Variants in ZNF804B observed in about 807,000 individuals in gnomAD.
ZNF804B encodes zinc finger 804B.
ZNF804B carries 80 observed loss-of-function variants against 101.4 expected under a neutral mutation model. The ratio of observed to expected loss-of-function variants is 0.79; its 90% confidence interval spans 0.66 to 0.95. The LOEUF is 0.95. Among genes scored for constraint, ZNF804B ranks in the 40% least tolerant of loss-of-function variants. The probability of loss-of-function intolerance (pLI) is 0.00; values close to 1 mark genes in which losing one functional copy is unlikely to be tolerated. For synonymous variants in ZNF804B, 622 were observed against 558.8 expected, an observed-to-expected ratio of 1.11 and a Z score of -1.59; for missense variants, 1,673 against 1,561.9, an observed-to-expected ratio of 1.07 and a Z score of -1.20.
At chr7:89,305,969 A>C (rs2115932565) in intron 2 of ZNF804B, among the ~76,000 whole-genome samples, 1 of 152,146 alleles carries the variant, frequency 6.6e-6, no homozygotes, top group South Asian at 2.1e-4. Flanking sequence ...TTCTGAAATT[A>C]TCATTTTTAA....
chr7:89,181,244 C>T (rs1171750234), intron 1 of ZNF804B, among the ~76,000 whole-genome samples: 1 of 151,974 alleles, frequency 6.6e-6, no homozygotes, highest in African/African-American at 2.4e-5. Flanking sequence ...TGACTGCAAG[C>T]CCAGCATGGC....
At chr7:89,127,364 C>A (rs974403168) in intron 1 of ZNF804B, among the ~76,000 whole-genome samples, 1 of 150,710 alleles carries the variant, frequency 6.6e-6, no homozygotes, top group Non-Finnish European at 1.5e-5. Flanking sequence ...AATCCCAAAA[C>A]GGTATTTTTT....
chr7:89,125,732 A>C (rs2116372502), intron 1 of ZNF804B, among the ~76,000 whole-genome samples: 1 of 152,238 alleles, frequency 6.6e-6, no homozygotes, highest in East Asian at 1.9e-4. Context: ...TGAGTTAACA[A>C]CAGTAGCCTG....
chr7:88,945,472 A>T (rs1397109974), intron 1 of ZNF804B, among the ~76,000 whole-genome samples: 1 of 152,124 alleles, frequency 6.6e-6, no homozygotes, highest in Non-Finnish European at 1.5e-5. Context: ...TACCAGTACC[A>T]TGCTGTTTTG....
chr7:88,978,771 A>G (rs945116727), intron 1 of ZNF804B, among the ~76,000 whole-genome samples: 9 of 148,884 alleles, frequency 6.0e-5, no homozygotes, highest in Non-Finnish European at 1.5e-5. Context: ...TTTGTGATTC[A>G]TTCTCTCCCT....
At chr7:88,891,067 G>A (rs1433171855) in intron 1 of ZNF804B, among the ~76,000 whole-genome samples, 1 of 151,982 alleles carries the variant, frequency 6.6e-6, no homozygotes, top group African/African-American at 2.4e-5. Context: ...GTTGTTTACT[G>A]ATATACCCCT....
chr7:89,176,930 G>A (rs2115568229), intron 1 of ZNF804B, among the ~76,000 whole-genome samples: 1 of 151,982 alleles, frequency 6.6e-6, no homozygotes, highest in East Asian at 1.9e-4. Flanking sequence ...GCATATAGTT[G>A]CTCATAGTAG....
At chr7:88,817,394 A>G (rs1790901471) in intron 1 of ZNF804B, among the ~76,000 whole-genome samples, 1 of 152,098 alleles carries the variant, frequency 6.6e-6, no homozygotes, top group African/African-American at 2.4e-5. Context: ...AAAATTAAAA[A>G]AAAATTCCAC....
intron 2 of ZNF804B, among the ~76,000 whole-genome samples, chr7:89,253,066 AG>A (rs796127486): frequency 2.0e-5 from 3 of 152,272 alleles, no homozygotes; most frequent in African/African-American, 7.2e-5. Flanking sequence ...AAATAAGGAC[AG>A]AAAAAAATCT....
At chr7:89,108,849 T>A (rs1479611809) in intron 1 of ZNF804B, among the ~76,000 whole-genome samples, 1 of 152,102 alleles carries the variant, frequency 6.6e-6, no homozygotes, top group Non-Finnish European at 1.5e-5. Context: ...TTAACCTATA[T>A]AAAATTCAGG....
At chr7:89,296,852 C>A (rs1790392152) in intron 2 of ZNF804B, among the ~76,000 whole-genome samples, 1 of 151,992 alleles carries the variant, frequency 6.6e-6, no homozygotes, top group Non-Finnish European at 1.5e-5. Context: ...AGCTGCTGGC[C>A]TGTGTCTCAG....
rs542180531 is a variant in ZNF804B at position 89,266,657 on chromosome 7, C to G, written c.249+48362C>G. On this transcript the variant is annotated intron_variant, in intron 2 of 3. Coordinates refer to ENST00000333190, the MANE Select transcript of ZNF804B (RefSeq NM_181646.5). ...CTTTCATTTAACTTCAAAGTATGCT[C>G]TATTTCCCTCTGTGAAATCGGACTT... 2.6e-5 allele frequency among the ~76,000 whole-genome samples: 4 copies of G among 152,266 alleles called. No individual in the cohort carries two copies. In the East Asian group the frequency reaches 7.7e-4, roughly 29 times the overall value.
At chr7:88,927,838 T>G (rs1792828998) in intron 1 of ZNF804B, among the ~76,000 whole-genome samples, 1 of 152,172 alleles carries the variant, frequency 6.6e-6, no homozygotes, top group Admixed American at 6.6e-5. Context: ...TACCTTGTCC[T>G]TAAATTAACA....
chr7:88,790,224 T>C (rs547296283), intron 1 of ZNF804B, among the ~76,000 whole-genome samples: 10 of 152,276 alleles, frequency 6.6e-5, no homozygotes, highest in Non-Finnish European at 1.3e-4. Context: ...TTATGTACTC[T>C]TATTTAAAAT....
intron 1 of ZNF804B, among the ~76,000 whole-genome samples, chr7:88,977,462 G>A (rs1793631968): frequency 6.6e-6 from 1 of 151,426 alleles, no homozygotes; most frequent in African/African-American, 2.4e-5. Context: ...TTTCTTCATG[G>A]TTCATTCTTA....
intron 1 of ZNF804B, among the ~76,000 whole-genome samples, chr7:89,026,150 A>G (rs960330118): frequency 2.6e-5 from 4 of 152,160 alleles, no homozygotes; most frequent in Non-Finnish European, 4.4e-5. Flanking sequence ...ATAGCAGGCA[A>G]GTGAAATATG....
rs533509448 is a variant in ZNF804B, at chr7:88,786,390, C to T, written c.108+26306C>T. Reference sequence around the variant, plus strand: ...AATTCTTGGATTAATGTTTGAATGACTTTTATTTGACTAAAGGAAGAAATT... The same window carrying T: ...AATTCTTGGATTAATGTTTGAATGATTTTTATTTGACTAAAGGAAGAAATT... On this transcript the variant is annotated intron_variant, in intron 1 of 3. Transcript: ENST00000333190. Among the ~76,000 whole-genome samples, 11 of 152,128 alleles carry T rather than the reference C, an allele frequency of 7.2e-5. No individual in the cohort carries two copies. In the South Asian group the frequency reaches 2.3e-3, roughly 32 times the overall value.
intron 1 of ZNF804B, among the ~76,000 whole-genome samples, chr7:89,007,979 G>A (rs772719072): frequency 2.0e-5 from 3 of 151,934 alleles, no homozygotes; most frequent in African/African-American, 7.2e-5. Context: ...TAATTTATTT[G>A]CATTTCTATG....
chr7:89,313,960 T>G (rs907002094), intron 2 of ZNF804B, among the ~76,000 whole-genome samples: 2 of 152,136 alleles, frequency 1.3e-5, no homozygotes, highest in Non-Finnish European at 2.9e-5. Flanking sequence ...TCTAAAGACA[T>G]GAATTAGATG....
Sources: gnomAD v4.1 joint callset for allele counts (sites outside exome capture counted in the v4.1 genomes callset) on GRCh38, gnomAD v4.1.1 for gene constraint, MANE v1.5 for transcripts, NCBI Gene and HGNC (gene_info 2026-07-23, HGNC 2026-07-21) for gene names.